CFAP299: variants seen among roughly 807,000 people sequenced by gnomAD.
CFAP299 encodes the protein cilia- and flagella-associated protein 299.
CFAP299 carries 21 observed loss-of-function variants against 27.0 expected under a neutral mutation model. The ratio of observed to expected loss-of-function variants is 0.78; its 90% confidence interval spans 0.55 to 1.12. The LOEUF (loss-of-function observed/expected upper bound fraction) is 1.12. Ranked by LOEUF, CFAP299 falls within the 50% of genes most tolerant of loss-of-function variation. The pLI, the probability that CFAP299 is intolerant of heterozygous loss-of-function variation, is 0.00. For missense variants in CFAP299, 310 were observed against 276.6 expected (o/e 1.12, Z -0.86); for synonymous variants, 104 against 98.1 (o/e 1.06, Z -0.36).
intron 3 of CFAP299, among the ~76,000 whole-genome samples, chr4:80,701,586 G>T (rs1721484194): frequency 6.6e-6 from 1 of 151,952 alleles, no homozygotes. Context: ...AATCCAGTGA[G>T]ATTTACTGGT....
chr4:80,593,366 C>A (rs79563907), intron 3 of CFAP299, among the ~76,000 whole-genome samples: 6,456 of 152,252 alleles, frequency 0.042, 423 homozygotes, highest in African/African-American at 0.14. Flanking sequence ...AACTGACATT[C>A]TTTTTCTAGG....
At chr4:80,799,650 TTTATATATTATATTTTATAAATATATA>T (rs1560416977) in intron 3 of CFAP299, among the ~76,000 whole-genome samples, 5 of 19,376 alleles carry the variant, frequency 2.6e-4, no homozygotes, top group African/African-American at 4.7e-4. Flanking sequence ...AAATATATAT[TTTATATATTATATTTTATAAATATATA>T]TTTATAAATA....
chr4:80,739,399 T>A (rs1221988715), intron 3 of CFAP299, among the ~76,000 whole-genome samples: 2 of 152,194 alleles, frequency 1.3e-5, no homozygotes, highest in Non-Finnish European at 2.9e-5. Context: ...TATTTGTTGA[T>A]GTTTGATGGA....
intron 3 of CFAP299, among the ~76,000 whole-genome samples, chr4:80,736,378 GA>G (rs1168447539): frequency 6.6e-6 from 1 of 151,690 alleles, no homozygotes; most frequent in Admixed American, 6.6e-5. Flanking sequence ...GTTTGTCAAA[GA>G]TCAGATAGTT....
At chr4:80,681,439 C>T (rs553590932) in intron 3 of CFAP299, among the ~76,000 whole-genome samples, 2 of 148,966 alleles carry the variant, frequency 1.3e-5, no homozygotes, top group Non-Finnish European at 3.0e-5. Flanking sequence ...AAAAAAAAAA[C>T]TGAGAAATCA....
intron 2 of CFAP299, among the ~76,000 whole-genome samples, chr4:80,468,366 G>C (rs1336731973): frequency 6.6e-6 from 1 of 151,768 alleles, no homozygotes. Flanking sequence ...TGGAATTACA[G>C]GTGCCCACCA....
intron 3 of CFAP299, among the ~76,000 whole-genome samples, chr4:80,635,312 C>G (rs1157082426): frequency 6.6e-6 from 1 of 152,072 alleles, no homozygotes; most frequent in Non-Finnish European, 1.5e-5. Context: ...GAAAGTGTCT[C>G]ATGAGAGAGA....
At chr4:80,460,774 T>G (rs1296667506) in intron 2 of CFAP299, among the ~76,000 whole-genome samples, 2 of 152,192 alleles carry the variant, frequency 1.3e-5, no homozygotes, top group African/African-American at 4.8e-5. Context: ...CACACGATTA[T>G]GTGGATTTGT....
At chr4:80,372,866 A>G (rs1323068864) in intron 2 of CFAP299, among the ~76,000 whole-genome samples, 1 of 152,210 alleles carries the variant, frequency 6.6e-6, no homozygotes, top group East Asian at 1.9e-4. Context: ...GAGAAATCAA[A>G]CTGATTTTGA....
intron 2 of CFAP299, among the ~76,000 whole-genome samples, chr4:80,512,389 C>T (rs1732352783): frequency 6.6e-6 from 1 of 152,054 alleles, no homozygotes; most frequent in Non-Finnish European, 1.5e-5. Context: ...AGAAAAATTG[C>T]ACCTAACTTT....
chr4:80,877,633 C>CTT (rs35290881), intron 4 of CFAP299, among the ~76,000 whole-genome samples: 51,717 of 151,896 alleles, frequency 0.34, 13,235 homozygotes, highest in African/African-American at 0.71. Flanking sequence ...CAGGATTACT[C>CTT]TACATAAGAT....
At chr4:80,715,323 A>AG (rs1278738514) in intron 3 of CFAP299, among the ~76,000 whole-genome samples, 3 of 152,066 alleles carry the variant, frequency 2.0e-5, no homozygotes, top group African/African-American at 4.8e-5. Context: ...TGTTTAAGAG[A>AG]GGGGGAAAAA....
At chr4:80,535,976 A>G (rs1016406475) in intron 2 of CFAP299, among the ~76,000 whole-genome samples, 1 of 152,192 alleles carries the variant, frequency 6.6e-6, no homozygotes, top group African/African-American at 2.4e-5. Flanking sequence ...ATCTAGAACC[A>G]CTGTGTGTGT....
chr4:80,591,617 A>G (rs1169494509), intron 3 of CFAP299, among the ~76,000 whole-genome samples: 1 of 152,114 alleles, frequency 6.6e-6, no homozygotes, highest in Admixed American at 6.5e-5. Context: ...TTGAGCCAAT[A>G]GGTTTCACTC....
chr4:80,942,001 C>G (rs1306089877), intron 4 of CFAP299, among the ~76,000 whole-genome samples: 34 of 152,120 alleles, frequency 2.2e-4, no homozygotes, highest in Admixed American at 4.6e-4. Context: ...GGAAGGGACA[C>G]AGATCCAAAC....
intron 4 of CFAP299, among the ~76,000 whole-genome samples, chr4:80,887,994 A>C (rs191746267): frequency 3.9e-5 from 6 of 152,244 alleles, no homozygotes; most frequent in South Asian, 2.1e-4. Flanking sequence ...AAAAATAAAA[A>C]AATAGGAAAG....
At chr4:80,938,872 G>A (rs1737054496) in intron 4 of CFAP299, among the ~76,000 whole-genome samples, 5 of 152,094 alleles carry the variant, frequency 3.3e-5, no homozygotes, top group Admixed American at 3.3e-4. Flanking sequence ...CCAGAGAAAG[G>A]CTTTATCTCT....
chr4:80,339,555 G>A (rs1315908354), intron 1 of CFAP299, among the ~76,000 whole-genome samples: 1 of 152,174 alleles, frequency 6.6e-6, no homozygotes, highest in Non-Finnish European at 1.5e-5. Flanking sequence ...AATAAAAGAA[G>A]CACTTTATGC....
chr4:80,417,366 G>A (rs997116674), intron 2 of CFAP299, among the ~76,000 whole-genome samples: 2 of 151,932 alleles, frequency 1.3e-5, no homozygotes, highest in African/African-American at 4.8e-5. Context: ...CTCATTGTGT[G>A]GCTTAGAATG....
Sources: allele counts gnomAD v4.1 joint callset (sites outside exome capture counted in the v4.1 genomes callset), GRCh38; gene constraint gnomAD v4.1.1; transcripts MANE v1.5; gene names NCBI Gene and HGNC (gene_info 2026-07-23, HGNC 2026-07-21).